Variants in RB1 observed in about 807,000 individuals in gnomAD.
The protein encoded by RB1 is retinoblastoma-associated protein.
A neutral mutation model predicts 135.4 loss-of-function variants in RB1; 18 were observed. The ratio of observed to expected loss-of-function variants is 0.13; its 90% confidence interval spans 0.09 to 0.20. The LOEUF is 0.20. Ranked by LOEUF, RB1 falls within the 10% of genes least tolerant of loss-of-function variation. RB1 has a pLI of 1.00. For missense variants in RB1, 868 were observed against 1,110.0 expected (o/e 0.78, Z 3.10); for synonymous variants, 365 against 373.2 (o/e 0.98, Z 0.25).
chr13:48,381,811 C>CAAA (rs1948538479), intron 17 of RB1, among the ~76,000 whole-genome samples: 1 of 152,124 alleles, frequency 6.6e-6, no homozygotes, highest in African/African-American at 2.4e-5. Context: ...TTGTCATTTA[C>CAAA]ATTAGATATA....
At chr13:48,330,184 A>G (rs553115838) in intron 2 of RB1, among the ~76,000 whole-genome samples, 1 of 152,264 alleles carries the variant, frequency 6.6e-6, no homozygotes, top group Admixed American at 6.5e-5. Context: ...AACAGTTCCA[A>G]TAGGAGATTT....
intron 17 of RB1, among the ~76,000 whole-genome samples, chr13:48,386,217 G>A: frequency 6.6e-6 from 1 of 152,062 alleles, no homozygotes; most frequent in East Asian, 1.9e-4. Context: ...CTAAATGATG[G>A]GGATACATTC....
chr13:48,378,166 CA>C (rs999312865), intron 13 of RB1, among the ~76,000 whole-genome samples: 1 of 152,124 alleles, frequency 6.6e-6, no homozygotes, highest in African/African-American at 2.4e-5. Context: ...ATTTCATAAA[CA>C]TTTTTTCTTT....
Position 48,444,117 on chromosome 13 carries a change from C to T in RB1, c.1696-8876C>T, listed in dbSNP as rs114303421. On this transcript the variant is annotated intron_variant, in intron 17 of 26. Transcript: ENST00000267163. The stretch of plus-strand genomic sequence containing the variant: ...GGGGTCTCAGTGCCCATACCTCATA[C>T]CCCCAGACACCATCCTAGGCCTCCA... Among the ~76,000 whole-genome samples, 345 of 152,240 alleles carry T rather than the reference C, an allele frequency of 2.3e-3. 1 individual carries two copies. The highest frequency in any genetic ancestry group is 7.8e-3 in the African/African-American group (322 of 41,528).
intron 18 of RB1, among the ~76,000 whole-genome samples, chr13:48,455,889 T>C (rs1949356909): frequency 6.6e-6 from 1 of 152,192 alleles, no homozygotes; most frequent in Non-Finnish European, 1.5e-5. Context: ...TATCAATAAA[T>C]TGTTTTTTAA....
chr13:48,354,807 T>A (rs146655902), intron 6 of RB1, among the ~76,000 whole-genome samples: 1 of 151,932 alleles, frequency 6.6e-6, no homozygotes, highest in Admixed American at 6.6e-5. Flanking sequence ...GCCAAGAACA[T>A]ATGCTGGGGA....
rs754634473 is a variant in RB1, at chr13:48,452,999, C to T, written c.1702C>T (p.Pro568Ser). Reference protein sequence around the residue: ...MESLAWLSDSPLFDLIKQSKD... With the variant: ...MESLAWLSDSSLFDLIKQSKD... ...TTCATCATGTTTCATATAGGATTCA[C>T]CTTTATTTGATCTTATTAAACAATC... Residue 568 changes from proline (P) to serine (S), a missense_variant, in exon 18 of 27, where the codon CCT (proline) becomes TCT (serine). Pro to Ser is a moderately conservative substitution (Grantham distance 74, BLOSUM62 -1). Coordinates refer to ENST00000267163, the MANE Select transcript of RB1 (RefSeq NM_000321.3). 3 of 1,612,550 alleles carry T rather than the reference C, an allele frequency of 1.9e-6. No homozygotes were observed. The highest frequency in any genetic ancestry group is 2.5e-6 in the Non-Finnish European group (3 of 1,179,472).
chr13:48,363,116 A>G (rs1952658556), intron 8 of RB1, among the ~76,000 whole-genome samples, 159 bp downstream of exon 8: 1 of 152,108 alleles, frequency 6.6e-6, no homozygotes. Flanking sequence ...AATTCGTTAT[A>G]TTTAGTTACT....
intron 2 of RB1, chr13:48,317,443 G>A: frequency 2.5e-6 from 1 of 404,580 alleles, no homozygotes; most frequent in Non-Finnish European, 4.5e-6. Flanking sequence ...CTGGGCTCCA[G>A]AGTCCCTTTC....
At chr13:48,479,631 G>GT (rs1593549253) in intron 26 of RB1, among the ~76,000 whole-genome samples, 2 of 151,158 alleles carry the variant, frequency 1.3e-5, no homozygotes, top group East Asian at 3.9e-4. Flanking sequence ...GGAGACCACT[G>GT]TTTTTTTGGG....
At chr13:48,444,933 T>C (rs1301931718) in intron 17 of RB1, 1 of 152,192 alleles carries the variant, frequency 6.6e-6, no homozygotes, top group Non-Finnish European at 1.5e-5. Flanking sequence ...TTTTTATATA[T>C]TTTCAGTTTT....
At chr13:48,315,249 A>G (rs969637019) in intron 2 of RB1, among the ~76,000 whole-genome samples, 11 of 151,442 alleles carry the variant, frequency 7.3e-5, no homozygotes, top group African/African-American at 2.7e-4. Context: ...GAGAGCTTTC[A>G]CCTCCCTAGT....
rs553036492 is a variant in RB1, at chr13:48,477,998, T to C, written c.2713+594T>C. 8.3e-4 allele frequency among the ~76,000 whole-genome samples: 126 copies of C among 152,296 alleles called. 1 individual carries two copies. Among genetic ancestry groups the C allele is most frequent in the South Asian group, 6.6e-3 (32 of 4,828 alleles). ...GACAAAAAAAATAATCCAAGGATAGTAGATGGAAAGCACATTAGGAAAGAG... is the reference window on the plus strand; with the variant it reads ...GACAAAAAAAATAATCCAAGGATAGCAGATGGAAAGCACATTAGGAAAGAG... On this transcript the variant is annotated intron_variant, in intron 26 of 26. Transcript: ENST00000267163.
chr13:48,422,134 TAGAC>T (rs764512371), intron 17 of RB1, among the ~76,000 whole-genome samples: 67 of 152,156 alleles, frequency 4.4e-4, no homozygotes, highest in Admixed American at 1.2e-3. Context: ...GCATCAATGA[TAGAC>T]AGGATAAAGA....
In RB1 at chr13:48,303,867, C is replaced by CCGGCGCTCCTCCA. The variant is rs1952050531; in HGVS notation, c.-44_-32dup. The CCGGCGCTCCTCCA allele has an allele frequency of 2.7e-6, 4 of 1,506,858 alleles. No homozygotes were observed. The East Asian group carries it at 1.1e-4, about 41-fold the overall frequency. 93.3% of individuals were successfully genotyped at this position (1,506,858 alleles called of 1,614,324 possible). A position where few individuals can be genotyped will look rare whatever the true frequency, so the allele number is the denominator to read the frequency against. ...CCGACGTGCGCGCGCGTCGTCCTCC[C>CCGGCGCTCCTCCA]CGGCGCTCCTCCACAGCTCGCTGGC... On this transcript the variant is annotated 5_prime_UTR_variant, in exon 1 of 27. Transcript: ENST00000267163.
rs528774857 is a variant in RB1 at position 48,432,793 on chromosome 13, T to A, written c.1696-20200T>A. On this transcript the variant is annotated intron_variant, in intron 17 of 26. Transcript: ENST00000267163. ...CTTGGAATAAAATTTTAATTTATAA[T>A]ATAGGAGAGATATTACTATTAAGGC... Among the ~76,000 whole-genome samples, 5 of 152,176 alleles carry A rather than the reference T, an allele frequency of 3.3e-5. No individual in the cohort carries two copies. The East Asian group carries it at 9.6e-4, about 29-fold the overall frequency.
Position 48,379,957 on chromosome 13 carries a change from T to TA in RB1, c.1390-70dup, listed in dbSNP as rs35427721. The stretch of plus-strand genomic sequence containing the variant: ...CCTGGCAACAGAGCAAGACACCATC[T>TA]AAAAAAAAAAAAAAAAAAAAAAAAA... On this transcript the variant is annotated intron_variant, in intron 14 of 26. Coordinates refer to ENST00000267163, the MANE Select transcript of RB1 (RefSeq NM_000321.3). 27,839 of 364,434 alleles carry TA rather than the reference T, an allele frequency of 0.076. 140 individuals are homozygous for TA. The highest frequency in any genetic ancestry group is 0.097 in the Admixed American group (873 of 8,960). 22.6% of individuals were successfully genotyped at this position (364,434 alleles called of 1,614,324 possible). A position where few individuals can be genotyped will look rare whatever the true frequency, so the allele number is the denominator to read the frequency against.
intron 8 of RB1, among the ~76,000 whole-genome samples, chr13:48,364,110 A>C (rs1952669741): frequency 6.6e-6 from 1 of 152,204 alleles, no homozygotes; most frequent in African/African-American, 2.4e-5. Context: ...ACAAATATAC[A>C]GTTGACTCTT....
chr13:48,398,516 ATT>A (rs574740963), intron 17 of RB1, among the ~76,000 whole-genome samples: 3 of 151,190 alleles, frequency 2.0e-5, no homozygotes, highest in African/African-American at 7.3e-5. Flanking sequence ...GAGTCCTGTA[ATT>A]TTTTTTTAAA....
Sources: gnomAD v4.1 joint callset for allele counts (sites outside exome capture counted in the v4.1 genomes callset) on GRCh38, gnomAD v4.1.1 for gene constraint, MANE v1.5 for transcripts, NCBI Gene and HGNC (gene_info 2026-07-23, HGNC 2026-07-21) for gene names.